Variants in DOLPP1 observed in about 807,000 individuals in gnomAD.
DOLPP1 encodes dolichyldiphosphatase 1.
DOLPP1 carries 15 observed loss-of-function variants against 34.1 expected under a neutral mutation model. The ratio of observed to expected loss-of-function variants is 0.44; its 90% CI spans 0.29 to 0.68. DOLPP1 has a LOEUF of 0.68. Among genes scored for constraint, DOLPP1 ranks in the 30% least tolerant of loss-of-function variants. The pLI is 0.12. For missense variants in DOLPP1, 249 were observed against 307.1 expected (o/e 0.81, Z 1.41); for synonymous variants, 130 against 128.2 (o/e 1.01, Z -0.10).
chr9:129,088,965 T>A lies in DOLPP1; in HGVS notation c.681-6T>A. 6.2e-7 allele frequency: 1 copy of A among 1,613,740 alleles called. No homozygotes were observed. Among genetic ancestry groups the A allele is most frequent in the Non-Finnish European group, 8.5e-7 (1 of 1,179,914 alleles). ...CTCCACATCTGACCCCCATCCTGTT[T>A]TGCAGGAACAGACAACGCAAGCTGG... On this transcript the variant is annotated splice_polypyrimidine_tract_variant and splice_region_variant and intron_variant, in intron 7 of 7. Transcript: ENST00000372546.
Position 129,089,147 on chromosome 9 carries a change from A to G in DOLPP1, c.*140A>G, listed in dbSNP as rs1369533906. ...TGGAGCCTTTTTTTTTCTTATTTTA[A>G]TTTTAATGAACAAGGTGGACCAAAG... On this transcript the variant is annotated 3_prime_UTR_variant, in exon 8 of 8. Coordinates refer to ENST00000372546, the MANE Select transcript of DOLPP1 (RefSeq NM_020438.5). This position sits in a 1 kb window ranked among gnomAD's most constrained non-coding sequence, Gnocchi z 4.9. The G allele has an allele frequency of 2.5e-6, 2 of 797,620 alleles. No individual in the cohort carries two copies. The highest frequency in any genetic ancestry group is 2.8e-5 in the East Asian group (1 of 35,742). 49.4% of individuals were successfully genotyped at this position (797,620 alleles called of 1,614,324 possible).
At chr9:129,087,262 C>A (rs1847007721) in intron 7 of DOLPP1, among the ~76,000 whole-genome samples, 1 of 152,074 alleles carries the variant, frequency 6.6e-6, no homozygotes. Flanking sequence ...TTTCATTCAC[C>A]CCAAATCCTG....
At position 129,085,549 on chromosome 9, in the gene DOLPP1, G is replaced by A. The variant is rs1485345092; in HGVS notation, c.394G>A (p.Asp132Asn). 1.2e-6 allele frequency: 2 copies of A among 1,613,694 alleles called. No homozygotes were observed. Among genetic ancestry groups the A allele is most frequent in the South Asian group, 1.1e-5 (1 of 91,056 alleles). ...MHQTNNARFL[D>N]LLWRHVLSLG... The stretch of plus-strand genomic sequence containing the variant: ...CCAAACAAACAACGCCAGGTTCCTG[G>A]ACTTGCTGTGGAGGCACGTGCTCTC... Residue 132 changes from aspartate to asparagine, a missense_variant, in exon 5 of 8, where the codon GAC becomes AAC. Transcript: ENST00000372546. The surrounding 1 kb of genome is among the most constrained non-coding windows in gnomAD (Gnocchi z 7.0).
chr9:129,088,256 G>A (rs1847031626), intron 7 of DOLPP1, among the ~76,000 whole-genome samples: 1 of 152,046 alleles, frequency 6.6e-6, no homozygotes, highest in Non-Finnish European at 1.5e-5. Context: ...AGCTGACAAA[G>A]CTTGGTGACT....
In DOLPP1 at chr9:129,085,667, C is replaced by A; in HGVS notation, c.461+51C>A. The A allele has an allele frequency of 6.8e-7, 1 of 1,465,804 alleles. No individual in the cohort carries two copies. The highest frequency in any genetic ancestry group is 9.4e-7 in the Non-Finnish European group (1 of 1,064,998). 90.8% of individuals were successfully genotyped at this position (1,465,804 alleles called of 1,614,324 possible). A position where few individuals can be genotyped will look rare whatever the true frequency, so the allele number is the denominator to read the frequency against. On this transcript the variant is annotated intron_variant, in intron 5 of 7. Transcript: ENST00000372546. This position sits in a 1 kb window ranked among gnomAD's most constrained non-coding sequence, Gnocchi z 7.0. ...TGCACCCTGCCCATGTGGGGTCCTG[C>A]TGGTTCCTGGTCCCTGTCGGACCCC...
rs2131419298 is a variant in DOLPP1, at chr9:129,089,105, A to G, written c.*98A>G. ...ACAGGGACGAAGCAGAGACCTCTAC[A>G]GACCCAAGTCACCAAGTGGAGCCTT... On this transcript the variant is annotated 3_prime_UTR_variant, in exon 8 of 8. Coordinates refer to ENST00000372546, the MANE Select transcript of DOLPP1 (RefSeq NM_020438.5). This position sits in a 1 kb window ranked among gnomAD's most constrained non-coding sequence, Gnocchi z 4.9. 2 of 1,279,694 alleles carry G rather than the reference A, an allele frequency of 1.6e-6. No individual in the cohort carries two copies. The highest frequency in any genetic ancestry group is 1.2e-5 in the South Asian group (1 of 80,932). 79.3% of individuals were successfully genotyped at this position (1,279,694 alleles called of 1,614,324 possible).
At position 129,089,316 on chromosome 9, in the gene DOLPP1, G is replaced by C; in HGVS notation, c.*309G>C. ...CACCTGGGTGTGGGGTGGAGGAGGA[G>C]GGCTCGCGCCTCTGGTCTCGGGGCC... is the stretch of plus-strand genomic sequence containing the variant. On this transcript the variant is annotated 3_prime_UTR_variant, in exon 8 of 8. Transcript: ENST00000372546. This position sits in a 1 kb window ranked among gnomAD's most constrained non-coding sequence, Gnocchi z 4.9. 3.0e-6 allele frequency: 1 copy of C among 336,530 alleles called. No homozygotes were observed. Among genetic ancestry groups the C allele is most frequent in the South Asian group, 4.9e-5 (1 of 20,412 alleles). The allele number at this position is 336,530 out of a possible 1,614,324, so 20.8% of individuals were successfully genotyped here.
chr9:129,081,284 C>G (rs1010874359), intron 1 of DOLPP1, 77 bp downstream of exon 1: 7 of 1,559,358 alleles, frequency 4.5e-6, no homozygotes, highest in African/African-American at 1.4e-5. Context: ...CCTGCTCGAG[C>G]CCGCGGAGGG....
Position 129,086,695 on chromosome 9 carries a change from G to A in DOLPP1, c.591-14G>A, listed in dbSNP as rs1370092929. 1 of 1,612,156 alleles carries A rather than the reference G, an allele frequency of 6.2e-7. No individual in the cohort carries two copies. The highest frequency in any genetic ancestry group is 1.7e-5 in the Admixed American group (1 of 60,026). On this transcript the variant is annotated splice_polypyrimidine_tract_variant and intron_variant, in intron 6 of 7. Transcript: ENST00000372546. ...CCTGATGTGCCCCTGGCTCTCTGAT[G>A]TCTGTCTCTCCAGGCCTGTCTCCGA...
At chr9:129,087,018 G>C (rs1045048616) in intron 7 of DOLPP1, among the ~76,000 whole-genome samples, 3 of 152,258 alleles carry the variant, frequency 2.0e-5, no homozygotes, top group Non-Finnish European at 2.9e-5. Context: ...GGGGAGCAGG[G>C]TGGTGAACCC....
At position 129,081,125 on chromosome 9, in the gene DOLPP1, G is replaced by A. The variant is rs1176756983; in HGVS notation, c.-7G>A. On this transcript the variant is annotated 5_prime_UTR_variant, in exon 1 of 8. Transcript: ENST00000372546. ...GGCTGCTCGAAGAAGCCCGGTCTCC[G>A]GGTAAGATGGCAGCGGACGGACAGT... The A allele has an allele frequency of 3.1e-6, 5 of 1,607,520 alleles. No individual in the cohort carries two copies.
chr9:129,081,585 T>G (rs993824364), intron 1 of DOLPP1, among the ~76,000 whole-genome samples: 1 of 152,228 alleles, frequency 6.6e-6, no homozygotes, highest in African/African-American at 2.4e-5. Context: ...TGTTCCAGCG[T>G]GCAGGGAGTG....
At chr9:129,082,158 A>G (rs1292359350) in intron 1 of DOLPP1, among the ~76,000 whole-genome samples, 1 of 152,288 alleles carries the variant, frequency 6.6e-6, no homozygotes, top group East Asian at 1.9e-4. Flanking sequence ...GGAGCCCCTC[A>G]TTGAGCCCTG....
At chr9:129,086,468 C>T (rs1846990665) in intron 6 of DOLPP1, among the ~76,000 whole-genome samples, 1 of 152,202 alleles carries the variant, frequency 6.6e-6, no homozygotes, top group African/African-American at 2.4e-5. Context: ...CGCCTAGGTT[C>T]TCAGGGACTT....
Position 129,084,836 on chromosome 9 carries a change from G to T in DOLPP1, c.177+68G>T, listed in dbSNP as rs780244555. 3 of 842,866 alleles carry T rather than the reference G, an allele frequency of 3.6e-6. No homozygotes were observed. In the South Asian group the frequency reaches 4.1e-5, roughly 11 times the overall value. The allele number at this position is 842,866 out of a possible 1,614,324, so 52.2% of individuals were successfully genotyped here. Reference sequence around the variant, plus strand: ...GCCCCCACCCTGCTTTGGGAAGCCCGTCCGCCCCTCAGTCCAGGGTTCTCA... The same window carrying T: ...GCCCCCACCCTGCTTTGGGAAGCCCTTCCGCCCCTCAGTCCAGGGTTCTCA... On this transcript the variant is annotated intron_variant, in intron 2 of 7. Coordinates refer to ENST00000372546, the MANE Select transcript of DOLPP1 (RefSeq NM_020438.5).
At position 129,089,277 on chromosome 9, in the gene DOLPP1, G is replaced by A. The variant is rs1847051898; in HGVS notation, c.*270G>A. 5.0e-6 allele frequency: 2 copies of A among 398,186 alleles called. No homozygotes were observed. The highest frequency in any genetic ancestry group is 7.8e-5 in the South Asian group (2 of 25,646). 24.7% of individuals were successfully genotyped at this position (398,186 alleles called of 1,614,324 possible). ...GCCAGCCCCTGGCTGGGCAGAAAGT[G>A]CCCTCGGCATGGGCACCTGGGTGTG... On this transcript the variant is annotated 3_prime_UTR_variant, in exon 8 of 8. Coordinates refer to ENST00000372546, the MANE Select transcript of DOLPP1 (RefSeq NM_020438.5). This position sits in a 1 kb window ranked among gnomAD's most constrained non-coding sequence, Gnocchi z 4.9.
chr9:129,085,395 G>A lies in DOLPP1; in HGVS notation c.362+89G>A. The A allele has an allele frequency of 6.6e-7, 1 of 1,507,072 alleles. No homozygotes were observed. Among genetic ancestry groups the A allele is most frequent in the Non-Finnish European group, 9.2e-7 (1 of 1,085,136 alleles). 93.4% of individuals were successfully genotyped at this position (1,507,072 alleles called of 1,614,324 possible). A position where few individuals can be genotyped will look rare whatever the true frequency, so the allele number is the denominator to read the frequency against. On this transcript the variant is annotated intron_variant, in intron 4 of 7. Transcript: ENST00000372546. The surrounding 1 kb of genome is among the most constrained non-coding windows in gnomAD (Gnocchi z 7.0). ...ACTGCTAGCCCTTTGGATGCCCCTG[G>A]GGTGGGAGGGGCTGCAGCGGAGGCA...
chr9:129,081,302 G>T, intron 1 of DOLPP1, 95 bp downstream of exon 1: 1 of 1,494,526 alleles, frequency 6.7e-7, no homozygotes, highest in South Asian at 1.2e-5. Context: ...GGGGGCGCCG[G>T]GGGACCGGGG....
Position 129,087,206 on chromosome 9 carries a change from G to T in DOLPP1, c.680+408G>T, listed in dbSNP as rs186738187. On this transcript the variant is annotated intron_variant, in intron 7 of 7. Transcript: ENST00000372546. Reference sequence around the variant, plus strand: ...TAGGAGGCCAGCCTGTAGTTGTGCAGCAAGTCAGGACAGAGCTGAGCTTTG... The same window carrying T: ...TAGGAGGCCAGCCTGTAGTTGTGCATCAAGTCAGGACAGAGCTGAGCTTTG... Among the ~76,000 whole-genome samples, 110 of 152,328 alleles carry T rather than the reference G, an allele frequency of 7.2e-4. 2 individuals carry two copies. The East Asian group carries it at 0.017, about 23-fold the overall frequency.
Sources: gnomAD v4.1 joint callset for allele counts (sites outside exome capture counted in the v4.1 genomes callset) on GRCh38, gnomAD v4.1.1 for gene constraint, Gnocchi (gnomAD v3.1) non-coding constraint, MANE v1.5 for transcripts, NCBI Gene and HGNC (gene_info 2026-07-23, HGNC 2026-07-21) for gene names.